NFKB1: variants seen among roughly 807,000 people sequenced by gnomAD.
The protein encoded by NFKB1 is nuclear factor NF-kappa-B p105 subunit.
Under a neutral mutation model 105.1 loss-of-function variants are expected in NFKB1, and 9 were observed. The observed-to-expected ratio is 0.09, with a 90% CI of 0.05 to 0.15. NFKB1 has a LOEUF of 0.15. Among genes scored for constraint, NFKB1 ranks in the 10% least tolerant of loss-of-function variants. NFKB1 has a pLI of 1.00. For synonymous variants in NFKB1, 440 were observed against 442.2 expected (o/e 1.00, Z 0.06); for missense variants, 830 against 1,203.7 (o/e 0.69, Z 4.59).
At position 102,537,874 on chromosome 4, in the gene NFKB1, G is replaced by C; in HGVS notation, c.176G>C (p.Arg59Pro). The change falls in exon 5 of 24, where the codon CGT (arginine) becomes CCT (proline). Residue 59 changes from arginine to proline, a missense_variant. Physicochemically the swap from Arg to Pro is moderately radical, Grantham distance 103. Transcript: ENST00000226574. ...EQPKQRGFRF[R>P]YVCEGPSHGG... ...CCTTTGCAGAGAGGATTTCGTTTCCGTTATGTATGTGAAGGCCCATCCCAT... is the reference window on the plus strand; with the variant it reads ...CCTTTGCAGAGAGGATTTCGTTTCCCTTATGTATGTGAAGGCCCATCCCAT... 1 of 1,609,006 alleles carries C rather than the reference G, an allele frequency of 6.2e-7. No homozygotes were observed. Among genetic ancestry groups the C allele is most frequent in the Non-Finnish European group, 8.5e-7 (1 of 1,176,026 alleles).
intron 5 of NFKB1, among the ~76,000 whole-genome samples, chr4:102,559,952 A>AAAAG (rs201560663): frequency 1.3e-5 from 2 of 149,898 alleles, no homozygotes; most frequent in Admixed American, 7.3e-5. Context: ...AAAAAAAAAA[A>AAAAG]AAAGAAAGAA....
chr4:102,580,656 A>T lies in NFKB1; in HGVS notation c.835+17A>T. 1 of 1,585,686 alleles carries T rather than the reference A, an allele frequency of 6.3e-7. No individual in the cohort carries two copies. The highest frequency in any genetic ancestry group is 8.7e-7 in the Non-Finnish European group (1 of 1,154,694). ...TTCAGAAAGGTAAATACATTCTGTGATCTCTGATCTCAAGAGGTGTGATCT... is the reference window on the plus strand; with the variant it reads ...TTCAGAAAGGTAAATACATTCTGTGTTCTCTGATCTCAAGAGGTGTGATCT... On this transcript the variant is annotated intron_variant, in intron 9 of 23. Transcript: ENST00000226574.
intron 15 of NFKB1, among the ~76,000 whole-genome samples, chr4:102,600,550 C>T (rs919490759): frequency 3.9e-5 from 6 of 152,256 alleles, no homozygotes; most frequent in Admixed American, 2.6e-4. Flanking sequence ...AGAAAACCGC[C>T]CAAAGCCATG....
chr4:102,574,964 G>C (rs944517243), intron 6 of NFKB1, among the ~76,000 whole-genome samples: 1 of 152,160 alleles, frequency 6.6e-6, no homozygotes, highest in African/African-American at 2.4e-5. Context: ...GTTTATCATT[G>C]CTATTACAAA....
chr4:102,588,710 T>A (rs531132378), intron 11 of NFKB1, among the ~76,000 whole-genome samples: 2 of 152,220 alleles, frequency 1.3e-5, no homozygotes, highest in Non-Finnish European at 2.9e-5. Flanking sequence ...AGTCATTGAT[T>A]ATTAAAGTCA....
chr4:102,502,390 G>GCGCGCGCACACACACA (rs1311577382), intron 1 of NFKB1, among the ~76,000 whole-genome samples: 3 of 105,390 alleles, frequency 2.8e-5, no homozygotes, highest in African/African-American at 1.3e-4. Context: ...GCGCGCGCGC[G>GCGCGCGCACACACACA]CACACACACA....
rs570883646 is a variant in NFKB1, at chr4:102,537,303, T to C, written c.160-555T>C. On this transcript the variant is annotated intron_variant, in intron 4 of 23. Coordinates refer to ENST00000226574, the MANE Select transcript of NFKB1 (RefSeq NM_003998.4). ...ATTAATAATCATAAAAACAAAAATCTTATCCTCTGAAATGCTGAGAGAAGC... is the reference window on the plus strand; with the variant it reads ...ATTAATAATCATAAAAACAAAAATCCTATCCTCTGAAATGCTGAGAGAAGC... 6.6e-4 allele frequency among the ~76,000 whole-genome samples: 101 copies of C among 152,294 alleles called. 1 individual carries two copies. The highest frequency in any genetic ancestry group is 2.3e-3 in the African/African-American group (94 of 41,586).
At chr4:102,501,977 A>G (rs955297243) in intron 1 of NFKB1, 189 bp downstream of exon 1, 3 of 152,160 alleles carry the variant, frequency 2.0e-5, no homozygotes, top group African/African-American at 7.2e-5. Flanking sequence ...GGGGAAAGAC[A>G]CATCCGGACC....
At chr4:102,573,336 A>T (rs1724546923) in intron 6 of NFKB1, among the ~76,000 whole-genome samples, 1 of 152,172 alleles carries the variant, frequency 6.6e-6, no homozygotes, top group Non-Finnish European at 1.5e-5. Context: ...GGTTGACAGT[A>T]TTATTCTTTC....
intron 1 of NFKB1, among the ~76,000 whole-genome samples, chr4:102,524,489 G>A (rs1379297301): frequency 6.6e-6 from 1 of 152,156 alleles, no homozygotes; most frequent in Non-Finnish European, 1.5e-5. Context: ...TTGGCATCAG[G>A]GACCAGTTTC....
At chr4:102,606,470 G>T (rs1727736569) in intron 16 of NFKB1, 26 bp from the exon 17 acceptor site, 1 of 1,610,900 alleles carries the variant, frequency 6.2e-7, no homozygotes, top group South Asian at 1.1e-5. Context: ...GCTGACCAGT[G>T]AATCTCCTGC....
Position 102,594,929 on chromosome 4 carries a change from T to G in NFKB1, c.1248T>G (p.Gly416=), listed in dbSNP as rs773346176. 2.5e-6 allele frequency: 4 copies of G among 1,612,100 alleles called. No individual in the cohort carries two copies. The East Asian group carries it at 6.7e-5, about 27-fold the overall frequency. Residue 416 remains glycine (G), a synonymous_variant, in exon 13 of 24, where the codon GGT becomes GGG. Coordinates refer to ENST00000226574, the MANE Select transcript of NFKB1 (RefSeq NM_003998.4). ...CACACTATGGATTTCCTACTTATGGTGGGATTACTTTCCATCCTGGAACTA... is the reference window on the plus strand; with the variant it reads ...CACACTATGGATTTCCTACTTATGGGGGGATTACTTTCCATCCTGGAACTA... ...SFPHYGFPTY[G]GITFHPGTTK...
At chr4:102,599,178 T>G (rs1726916197) in intron 15 of NFKB1, among the ~76,000 whole-genome samples, 1 of 152,110 alleles carries the variant, frequency 6.6e-6, no homozygotes, top group Non-Finnish European at 1.5e-5. Flanking sequence ...GAGCGGCACA[T>G]GGAAATTTTC....
Position 102,593,545 on chromosome 4 carries a change from G to A in NFKB1, c.1187G>A (p.Gly396Glu). The change falls in exon 12 of 24, where the codon GGG becomes GAG. Residue 396 changes from glycine (G) to glutamate (E), a missense_variant. By Grantham distance (98) the Gly-to-Glu change is moderately conservative (BLOSUM62 -2). Around this residue, in one of 8 missense-constraint regions of NFKB1, gnomAD observed 163 missense variants for 164.3 expected, o/e 0.99. Coordinates refer to ENST00000226574, the MANE Select transcript of NFKB1 (RefSeq NM_003998.4). ...GGMFGSGGGG[G>E]GTGSTGPGYS... ...ATGTTTGGTAGTGGCGGTGGAGGAG[G>A]GGGCACTGGAAGTACAGGTCCAGGT... 1 of 1,613,606 alleles carries A rather than the reference G, an allele frequency of 6.2e-7. No homozygotes were observed.
At chr4:102,531,544 A>G (rs1741291906) in intron 3 of NFKB1, among the ~76,000 whole-genome samples, 1 of 152,184 alleles carries the variant, frequency 6.6e-6, no homozygotes, top group South Asian at 2.1e-4. Flanking sequence ...CCTTTAGTAG[A>G]TCTAGTACTT....
intron 5 of NFKB1, among the ~76,000 whole-genome samples, chr4:102,538,254 CT>C (rs1578736201): frequency 6.6e-6 from 1 of 152,094 alleles, no homozygotes; most frequent in Admixed American, 6.5e-5. Context: ...TTTAGTAAGT[CT>C]TTGAAAGAAA....
At chr4:102,610,145 G>A (rs1034839136) in intron 19 of NFKB1, among the ~76,000 whole-genome samples, 2 of 152,174 alleles carry the variant, frequency 1.3e-5, no homozygotes, top group African/African-American at 4.8e-5. Flanking sequence ...TTGCTCTTTT[G>A]AGTGTCCAAG....
chr4:102,536,910 T>A (rs772464150), intron 4 of NFKB1, among the ~76,000 whole-genome samples: 1 of 152,226 alleles, frequency 6.6e-6, no homozygotes, highest in African/African-American at 2.4e-5. Context: ...CACAAATTGA[T>A]TGACATCATT....
intron 8 of NFKB1, 26 bp downstream of exon 8, chr4:102,579,065 G>A (rs765810004): frequency 9.4e-6 from 15 of 1,603,134 alleles, no homozygotes; most frequent in African/African-American, 1.3e-5. Flanking sequence ...CCAACAGGGG[G>A]CACACCAAGA....
Sources: allele counts gnomAD v4.1 joint callset (sites outside exome capture counted in the v4.1 genomes callset), GRCh38; gene constraint gnomAD v4.1.1; regional missense constraint gnomAD v4.1.1; transcripts MANE v1.5; gene names NCBI Gene and HGNC (gene_info 2026-07-23, HGNC 2026-07-21).